Variants in SUCLG1 observed in about 807,000 individuals in gnomAD.
SUCLG1 encodes succinate--CoA ligase [ADP/GDP-forming] subunit alpha, mitochondrial.
A neutral mutation model predicts 37.3 loss-of-function variants in SUCLG1; 26 were observed. The ratio of observed to expected loss-of-function variants is 0.70; its 90% CI spans 0.51 to 0.97. The LOEUF is 0.97. SUCLG1 is among the 50% of genes least tolerant of loss of function. The pLI is 0.00. For synonymous variants in SUCLG1, 163 were observed against 155.6 expected, an observed-to-expected ratio of 1.05 and a Z score of -0.36; for missense variants, 433 against 432.9, an observed-to-expected ratio of 1.00 and a Z score of 0.00.
intron 7 of SUCLG1, chr2:84,426,181 T>G (rs567974786): frequency 6.3e-6 from 1 of 159,332 alleles, no homozygotes; most frequent in African/African-American, 2.4e-5. Context: ...CCCTTTCCAC[T>G]CTGGAATTCT....
At chr2:84,426,094 A>G (rs2104237462) in intron 7 of SUCLG1, 1 of 169,618 alleles carries the variant, frequency 5.9e-6, no homozygotes, top group East Asian at 1.7e-4. Context: ...ACGACCTTGG[A>G]CAAGGCTTCT....
intron 6 of SUCLG1, 59 bp from the exon 7 acceptor site, chr2:84,431,718 G>A: frequency 6.4e-7 from 1 of 1,572,662 alleles, no homozygotes; most frequent in Non-Finnish European, 8.7e-7. Context: ...TGGAATTTAG[G>A]TCAATAAATG....
At chr2:84,433,617 A>G in intron 5 of SUCLG1, 182 bp from the exon 6 acceptor site, 3 of 623,538 alleles carry the variant, frequency 4.8e-6, no homozygotes, top group Non-Finnish European at 8.6e-6. Flanking sequence ...AAATTCAAGC[A>G]GGGGGGTTTT....
At chr2:84,440,318 A>T (rs1390535999) in intron 5 of SUCLG1, among the ~76,000 whole-genome samples, 1 of 152,210 alleles carries the variant, frequency 6.6e-6, no homozygotes, top group Non-Finnish European at 1.5e-5. Flanking sequence ...GGTGGGGGTA[A>T]GCCGAGATCG....
chr2:84,431,695 T>C (rs770479768), intron 6 of SUCLG1, 36 bp from the exon 7 acceptor site: 47 of 1,611,714 alleles, frequency 2.9e-5, no homozygotes, highest in Admixed American at 2.0e-4. Flanking sequence ...GCTGGAAATT[T>C]AAGGGTGAAC....
intron 5 of SUCLG1, among the ~76,000 whole-genome samples, chr2:84,436,142 A>T (rs1171546531): frequency 6.6e-6 from 1 of 152,210 alleles, no homozygotes; most frequent in African/African-American, 2.4e-5. Context: ...GGACAGAGGG[A>T]GGATCAAGAA....
chr2:84,458,135 A>C (rs1673058291), intron 1 of SUCLG1, among the ~76,000 whole-genome samples: 1 of 151,932 alleles, frequency 6.6e-6, no homozygotes. Flanking sequence ...CAGTGAACCC[A>C]GATCATCCTG....
intron 3 of SUCLG1, among the ~76,000 whole-genome samples, chr2:84,441,663 A>G (rs1037952584): frequency 5.3e-5 from 8 of 152,194 alleles, no homozygotes; most frequent in Non-Finnish European, 1.0e-4. Context: ...TTTGAATGCC[A>G]CTGTGAATTG....
At chr2:84,457,656 A>C (rs1353200841) in intron 1 of SUCLG1, among the ~76,000 whole-genome samples, 3 of 152,328 alleles carry the variant, frequency 2.0e-5, no homozygotes, top group Admixed American at 2.0e-4. Flanking sequence ...CAGGTGGGCA[A>C]CTTCTTCCTA....
chr2:84,437,790 T>C (rs1472911968), intron 5 of SUCLG1, among the ~76,000 whole-genome samples: 3 of 152,202 alleles, frequency 2.0e-5, no homozygotes, highest in South Asian at 2.1e-4. Context: ...GTAATTGTAA[T>C]AGGCCAAACT....
intron 1 of SUCLG1, among the ~76,000 whole-genome samples, chr2:84,457,041 G>T (rs1273800428): frequency 6.6e-6 from 1 of 152,150 alleles, no homozygotes; most frequent in African/African-American, 2.4e-5. Context: ...TTCTGTGGCT[G>T]TTAACTCTAA....
intron 5 of SUCLG1, among the ~76,000 whole-genome samples, chr2:84,438,490 A>G (rs1672721891): frequency 6.6e-6 from 1 of 152,268 alleles, no homozygotes; most frequent in Non-Finnish European, 1.5e-5. Flanking sequence ...TTACACTATT[A>G]TACTGCTATT....
intron 5 of SUCLG1, among the ~76,000 whole-genome samples, chr2:84,435,461 T>A (rs1329058273): frequency 6.6e-6 from 1 of 152,218 alleles, no homozygotes; most frequent in Non-Finnish European, 1.5e-5. Flanking sequence ...AGCCCTAATG[T>A]TACCATAAGA....
intron 2 of SUCLG1, among the ~76,000 whole-genome samples, chr2:84,448,089 A>ATT (rs58974873): frequency 0.018 from 2,621 of 142,864 alleles, 73 homozygotes; most frequent in African/African-American, 0.063. Context: ...TTGATATTGG[A>ATT]TTTTTTTTTT....
intron 2 of SUCLG1, among the ~76,000 whole-genome samples, chr2:84,445,748 A>G (rs1217853444): frequency 6.6e-6 from 1 of 152,164 alleles, no homozygotes; most frequent in East Asian, 1.9e-4. Context: ...GGTCTAAGTC[A>G]CTTCAACTCT....
chr2:84,456,627 A>G (rs1379812466), intron 1 of SUCLG1, among the ~76,000 whole-genome samples: 1 of 151,824 alleles, frequency 6.6e-6, no homozygotes, highest in Non-Finnish European at 1.5e-5. Flanking sequence ...CTCATTTTTC[A>G]TTGTATTTTC....
chr2:84,443,996 T>C (rs1672811918), intron 2 of SUCLG1, among the ~76,000 whole-genome samples: 1 of 152,208 alleles, frequency 6.6e-6, no homozygotes, highest in Admixed American at 6.5e-5. Flanking sequence ...GATGATTCTT[T>C]CTTATGAGAG....
chr2:84,432,335 T>C (rs1336959900), intron 6 of SUCLG1: 1 of 152,324 alleles, frequency 6.6e-6, no homozygotes, highest in Non-Finnish European at 1.5e-5. Flanking sequence ...AGGATTGATT[T>C]CTTTCTTTTC....
At chr2:84,455,620 T>A (rs1003361371) in intron 1 of SUCLG1, among the ~76,000 whole-genome samples, 1 of 151,780 alleles carries the variant, frequency 6.6e-6, no homozygotes, top group African/African-American at 2.4e-5. Flanking sequence ...CGGATCACAA[T>A]GTCAGGAGAT....
Sources: gnomAD v4.1 joint callset for allele counts (sites outside exome capture counted in the v4.1 genomes callset) on GRCh38, gnomAD v4.1.1 for gene constraint, MANE v1.5 for transcripts, NCBI Gene and HGNC (gene_info 2026-07-23, HGNC 2026-07-21) for gene names.